RBFOX1: variants seen among roughly 807,000 people sequenced by gnomAD.
The protein encoded by RBFOX1 is RNA binding protein fox-1 homolog 1.
In RBFOX1, 8 loss-of-function variants were observed where a neutral mutation model predicts 57.7. The observed-to-expected ratio is 0.14, with a 90% CI of 0.08 to 0.25. The LOEUF is 0.25. RBFOX1 is among the 10% of genes least tolerant of loss of function. The pLI, the probability that RBFOX1 is intolerant of heterozygous loss-of-function variation, is 1.00. For synonymous variants in RBFOX1, 326 were observed against 222.4 expected, an observed-to-expected ratio of 1.47 and a Z score of -4.15; for missense variants, 611 against 548.5, an observed-to-expected ratio of 1.11 and a Z score of -1.14.
At chr16:7,590,435 G>T (rs139394317) in intron 7 of RBFOX1, among the ~76,000 whole-genome samples, 2 of 152,102 alleles carry the variant, frequency 1.3e-5, no homozygotes, top group African/African-American at 4.8e-5. Flanking sequence ...ATGAGAATTC[G>T]TAAGCATTTA....
At chr16:6,927,257 A>G (rs1179440634) in intron 3 of RBFOX1, among the ~76,000 whole-genome samples, 1 of 151,570 alleles carries the variant, frequency 6.6e-6, no homozygotes, top group African/African-American at 2.4e-5. Context: ...TACTAAAAAT[A>G]GAGAAATTTG....
At chr16:7,609,330 C>T (rs1396133853) in intron 10 of RBFOX1, among the ~76,000 whole-genome samples, 1 of 152,112 alleles carries the variant, frequency 6.6e-6, no homozygotes, top group Non-Finnish European at 1.5e-5. Flanking sequence ...GCCAGTCACC[C>T]TTGGGTCTAT....
intron 2 of RBFOX1, among the ~76,000 whole-genome samples, chr16:6,626,867 T>C (rs933842272): frequency 6.6e-6 from 1 of 152,252 alleles, no homozygotes; most frequent in Non-Finnish European, 1.5e-5. Context: ...ACAAGCACTT[T>C]AGTCATAGTT....
intron 5 of RBFOX1, among the ~76,000 whole-genome samples, chr16:7,537,276 T>C (rs2081704930): frequency 1.3e-5 from 2 of 152,188 alleles, no homozygotes; most frequent in South Asian, 4.1e-4. Context: ...AATGACCAAA[T>C]AATCTGCCAG....
chr16:6,234,963 A>C (rs370068517), intron 1 of RBFOX1, among the ~76,000 whole-genome samples: 38 of 152,318 alleles, frequency 2.5e-4, no homozygotes, highest in Middle Eastern at 6.8e-3. Context: ...TGTGCATAGG[A>C]GGACTCTGTA....
intron 5 of RBFOX1, among the ~76,000 whole-genome samples, chr16:7,557,292 C>A (rs1439941543): frequency 1.3e-5 from 2 of 151,912 alleles, no homozygotes; most frequent in African/African-American, 2.4e-5. Context: ...GGAAAAATGA[C>A]CAAAATACAA....
chr16:6,846,197 G>A (rs540336496), intron 3 of RBFOX1, among the ~76,000 whole-genome samples: 85 of 152,334 alleles, frequency 5.6e-4, no homozygotes, highest in Admixed American at 2.1e-3. Flanking sequence ...GTTGAAGACT[G>A]AGGACTTGGG....
intron 4 of RBFOX1, among the ~76,000 whole-genome samples, chr16:7,374,377 C>T (rs558265026): frequency 6.6e-6 from 1 of 152,172 alleles, no homozygotes; most frequent in Non-Finnish European, 1.5e-5. Context: ...CTACAGCATT[C>T]CCCTCAAATG....
intron 1 of RBFOX1, among the ~76,000 whole-genome samples, chr16:5,410,110 T>G (rs1235241412): frequency 1.3e-5 from 2 of 150,712 alleles, no homozygotes; most frequent in Non-Finnish European, 2.9e-5. Context: ...ATGCCTGTAA[T>G]GCCTGCGCTT....
chr16:5,492,666 A>T (rs963332175), intron 2 of RBFOX1, among the ~76,000 whole-genome samples: 4 of 152,210 alleles, frequency 2.6e-5, no homozygotes, highest in African/African-American at 9.6e-5. Context: ...GACATCTACC[A>T]CAGTGCTTGT....
At chr16:7,198,851 A>G (rs571773916) in intron 4 of RBFOX1, among the ~76,000 whole-genome samples, 1 of 152,326 alleles carries the variant, frequency 6.6e-6, no homozygotes, top group African/African-American at 2.4e-5. Flanking sequence ...CATTGAAACC[A>G]TAGCACACTA....
chr16:7,530,755 C>G (rs1229432923), intron 5 of RBFOX1, among the ~76,000 whole-genome samples: 1 of 152,190 alleles, frequency 6.6e-6, no homozygotes, highest in East Asian at 1.9e-4. Context: ...TGTACAATCT[C>G]TGCAGGAGTT....
chr16:6,911,086 A>G (rs1366099352), intron 3 of RBFOX1, among the ~76,000 whole-genome samples: 2 of 151,970 alleles, frequency 1.3e-5, no homozygotes, highest in Non-Finnish European at 2.9e-5. Context: ...CTGTAATCCC[A>G]GCTACTCGGG....
At chr16:5,871,948 A>G (rs2151904611) in intron 4 of RBFOX1, among the ~76,000 whole-genome samples, 1 of 152,254 alleles carries the variant, frequency 6.6e-6, no homozygotes, top group Non-Finnish European at 1.5e-5. Context: ...CAGGTAGCAA[A>G]CTCAGTGGCC....
In RBFOX1 at chr16:5,349,653, C is replaced by G. The variant is rs187812342; in HGVS notation, c.219+109548C>G. Among the ~76,000 whole-genome samples, 68 of 151,908 alleles carry G rather than the reference C, an allele frequency of 4.5e-4. 1 individual carries two copies. In the East Asian group the frequency reaches 7.7e-3, roughly 17 times the overall value. Reference sequence around the variant, plus strand: ...TGCCATTGCACTTCAGTCTGGGTGACAGAGCAAAACTGTGTCTGGGAAGAA... The same window carrying G: ...TGCCATTGCACTTCAGTCTGGGTGAGAGAGCAAAACTGTGTCTGGGAAGAA... On this transcript the variant is annotated intron_variant, in intron 1 of 2. Transcript: ENST00000585867.
chr16:5,316,678 G>C (rs1295222401), intron 1 of RBFOX1, among the ~76,000 whole-genome samples: 1 of 152,198 alleles, frequency 6.6e-6, no homozygotes, highest in Non-Finnish European at 1.5e-5. Flanking sequence ...GGGATACCCA[G>C]ATAGCTGGTG....
intron 2 of RBFOX1, among the ~76,000 whole-genome samples, chr16:6,347,772 T>A (rs1012704637): frequency 6.6e-6 from 1 of 152,196 alleles, no homozygotes; most frequent in African/African-American, 2.4e-5. Context: ...ACATCAAAAT[T>A]GACAGTCTAC....
intron 5 of RBFOX1, among the ~76,000 whole-genome samples, chr16:7,525,291 T>TTG (rs150976254): frequency 2.2e-3 from 330 of 151,064 alleles, no homozygotes; most frequent in Admixed American, 3.4e-3. Context: ...AGTCATTATT[T>TTG]TGTGTGTGTG....
At chr16:5,268,983 C>T (rs1421403064) in intron 1 of RBFOX1, among the ~76,000 whole-genome samples, 7 of 151,156 alleles carry the variant, frequency 4.6e-5, no homozygotes, top group African/African-American at 9.7e-5. Context: ...GGCACAATCT[C>T]AGCTCACTGC....
Sources: allele counts gnomAD v4.1 joint callset (sites outside exome capture counted in the v4.1 genomes callset), GRCh38; gene constraint gnomAD v4.1.1; transcripts MANE v1.5; gene names NCBI Gene and HGNC (gene_info 2026-07-23, HGNC 2026-07-21).